Variants in EIF2B3 observed in about 807,000 individuals in gnomAD.
EIF2B3 encodes eukaryotic translation initiation factor 2B subunit gamma, also known as translation initiation factor eIF2B subunit gamma.
EIF2B3 carries 20 observed loss-of-function variants against 54.1 expected under a neutral mutation model. The ratio of observed to expected loss-of-function variants is 0.37; its 90% CI spans 0.26 to 0.54. The LOEUF is 0.54. Among genes scored for constraint, EIF2B3 ranks in the 20% least tolerant of loss-of-function variants. The pLI is 0.86. For missense variants in EIF2B3, 448 were observed against 547.8 expected (o/e 0.82, Z 1.82); for synonymous variants, 153 against 188.1 (o/e 0.81, Z 1.52).
chr1:44,980,449 C>T (rs139533971), intron 2 of EIF2B3, among the ~76,000 whole-genome samples: 1 of 152,172 alleles, frequency 6.6e-6, no homozygotes, highest in African/African-American at 2.4e-5. Flanking sequence ...TGCACTCCAG[C>T]CTGGGTGGCA....
intron 6 of EIF2B3, among the ~76,000 whole-genome samples, chr1:44,897,148 A>G (rs1390855515): frequency 6.6e-6 from 1 of 152,250 alleles, no homozygotes; most frequent in Non-Finnish European, 1.5e-5. Flanking sequence ...CACGCTGCAA[A>G]AATATAAGCA....
chr1:44,978,249 C>T, intron 3 of EIF2B3, 66 bp downstream of exon 3: 1 of 1,584,590 alleles, frequency 6.3e-7, no homozygotes, highest in Non-Finnish European at 8.6e-7. Flanking sequence ...GACTATAATG[C>T]ACTGGGAAAA....
chr1:44,880,797 C>T (rs1472884851), intron 7 of EIF2B3, among the ~76,000 whole-genome samples: 1 of 151,978 alleles, frequency 6.6e-6, no homozygotes, highest in African/African-American at 2.4e-5. Context: ...CCCGTCTCTA[C>T]TAAAAATACA....
Position 44,980,940 on chromosome 1 carries a change from A to G in EIF2B3, c.148+81T>C, listed in dbSNP as rs1344343240. On this transcript the variant is annotated intron_variant, in intron 2 of 11. Coordinates refer to ENST00000360403, the MANE Select transcript of EIF2B3 (RefSeq NM_020365.5). The stretch of plus-strand genomic sequence containing the variant: ...CAACGAGTTCTAGTCACCCTCTCTC[A>G]TTCTCATAACGCTGACAAATCATGG... The G allele has an allele frequency of 2.9e-5, 45 of 1,562,782 alleles. No homozygotes were observed. The Admixed American group carries it at 7.5e-4, about 26-fold the overall frequency.
At chr1:44,919,349 C>CAA (rs35094486) in intron 5 of EIF2B3, among the ~76,000 whole-genome samples, 4 of 126,282 alleles carry the variant, frequency 3.2e-5, no homozygotes, top group Non-Finnish European at 5.1e-5. Flanking sequence ...GACTCCCTCT[C>CAA]AAAAAAAAAA....
chr1:44,981,246 T>A, intron 1 of EIF2B3, 69 bp from the exon 2 acceptor site: 1 of 1,527,570 alleles, frequency 6.5e-7, no homozygotes, highest in Non-Finnish European at 9.0e-7. Context: ...CACATACTAC[T>A]AGCCTATTTT....
chr1:44,930,649 C>CT (rs973003417), intron 4 of EIF2B3, among the ~76,000 whole-genome samples: 10 of 151,656 alleles, frequency 6.6e-5, no homozygotes, highest in African/African-American at 2.2e-4. Context: ...TATTTTTTTT[C>CT]TTTTTTTTGG....
At chr1:44,867,176 G>A (rs966295405) in intron 10 of EIF2B3, among the ~76,000 whole-genome samples, 7 of 152,038 alleles carry the variant, frequency 4.6e-5, no homozygotes, top group African/African-American at 1.7e-4. Flanking sequence ...ATGTGAAGAT[G>A]CTACTCTAGA....
At chr1:44,945,911 A>G (rs1018715300) in intron 3 of EIF2B3, among the ~76,000 whole-genome samples, 1 of 152,218 alleles carries the variant, frequency 6.6e-6, no homozygotes, top group African/African-American at 2.4e-5. Context: ...ACTATTAAGT[A>G]TACTCCAAAA....
intron 2 of EIF2B3, among the ~76,000 whole-genome samples, chr1:44,979,729 C>A (rs893760161): frequency 6.6e-6 from 1 of 151,766 alleles, no homozygotes; most frequent in East Asian, 1.9e-4. Flanking sequence ...TTTGGAAGGC[C>A]GAGACAGGCA....
At chr1:44,875,776 A>ACTCCCCCTCCCCACGGTCTCCCTCTCCCT (rs1655107880) in intron 8 of EIF2B3, 81 bp from the exon 9 acceptor site, 1 of 1,080,046 alleles carries the variant, frequency 9.3e-7, no homozygotes, top group African/African-American at 1.6e-5. Flanking sequence ...TACCTCTCCC[A>ACTCCCCCTCCCCACGGTCTCCCTCTCCCT]CTCCCCCTCC....
chr1:44,976,093 A>G (rs996782789), intron 3 of EIF2B3, among the ~76,000 whole-genome samples: 2 of 152,224 alleles, frequency 1.3e-5, no homozygotes, highest in East Asian at 1.9e-4. Flanking sequence ...AGCAATAACC[A>G]TAAAAGAAAA....
At chr1:44,940,948 G>A (rs752605440) in intron 4 of EIF2B3, among the ~76,000 whole-genome samples, 4 of 150,106 alleles carry the variant, frequency 2.7e-5, no homozygotes, top group Admixed American at 6.7e-5. Context: ...GTGCAGTGGC[G>A]TGATCTCGGC....
intron 5 of EIF2B3, among the ~76,000 whole-genome samples, chr1:44,906,130 AT>A (rs1187832425): frequency 6.6e-6 from 1 of 152,186 alleles, no homozygotes; most frequent in East Asian, 1.9e-4. Context: ...TGACACATTA[AT>A]TTGCACTCCA....
At chr1:44,904,697 T>G (rs1643381343) in intron 5 of EIF2B3, among the ~76,000 whole-genome samples, 1 of 152,112 alleles carries the variant, frequency 6.6e-6, no homozygotes, top group South Asian at 2.1e-4. Context: ...GTATTTTTAG[T>G]AGAGATGGGG....
At chr1:44,877,005 G>C (rs546639243) in intron 8 of EIF2B3, among the ~76,000 whole-genome samples, 7 of 149,336 alleles carry the variant, frequency 4.7e-5, no homozygotes, top group African/African-American at 7.6e-5. Context: ...CAGCATGCTC[G>C]TTAAGAGTCA....
intron 1 of EIF2B3, among the ~76,000 whole-genome samples, chr1:44,983,156 C>T (rs1396050292): frequency 6.6e-6 from 1 of 151,978 alleles, no homozygotes; most frequent in Non-Finnish European, 1.5e-5. Flanking sequence ...GGCCTCAGGC[C>T]TCCTGCCTGG....
intron 1 of EIF2B3, among the ~76,000 whole-genome samples, chr1:44,984,795 A>ATT (rs1557718636): frequency 1.2e-5 from 1 of 80,468 alleles, no homozygotes; most frequent in African/African-American, 8.6e-5. Context: ...AATAATGTCC[A>ATT]TCTTTTTTTT....
Position 44,977,524 on chromosome 1 carries a change from G to A in EIF2B3, c.294+791C>T, listed in dbSNP as rs536080953. 5.3e-4 allele frequency among the ~76,000 whole-genome samples: 81 copies of A among 151,702 alleles called. 1 individual carries two copies. The highest frequency in any genetic ancestry group is 1.8e-3 in the African/African-American group (74 of 41,352). ...CTGTTGCCCAGGCTGGAGTGCAGTGGCATGATCTCGGCTCACTGCAACCTC... is the reference window on the plus strand; with the variant it reads ...CTGTTGCCCAGGCTGGAGTGCAGTGACATGATCTCGGCTCACTGCAACCTC... On this transcript the variant is annotated intron_variant, in intron 3 of 11. Coordinates refer to ENST00000360403, the MANE Select transcript of EIF2B3 (RefSeq NM_020365.5).
Sources: gnomAD v4.1 joint callset for allele counts (sites outside exome capture counted in the v4.1 genomes callset) on GRCh38, gnomAD v4.1.1 for gene constraint, MANE v1.5 for transcripts, NCBI Gene and HGNC (gene_info 2026-07-23, HGNC 2026-07-21) for gene names.